KCNH3: variants seen among roughly 807,000 people sequenced by gnomAD.
KCNH3 encodes the protein voltage-gated inwardly rectifying potassium channel KCNH3.
Under a neutral mutation model 95.6 loss-of-function variants are expected in KCNH3, and 36 were observed. The observed-to-expected ratio is 0.38, with a 90% CI of 0.29 to 0.50. The LOEUF (loss-of-function observed/expected upper bound fraction) is 0.50, where lower values mean the gene tolerates loss of function less well. KCNH3 is among the 20% of genes least tolerant of loss of function. KCNH3 has a pLI of 0.95. For missense variants in KCNH3, 1,030 were observed against 1,484.1 expected, an observed-to-expected ratio of 0.69 and a Z score of 5.03; for synonymous variants, 620 against 646.3, an observed-to-expected ratio of 0.96 and a Z score of 0.62.
intron 7 of KCNH3, among the ~76,000 whole-genome samples, chr12:49,544,657 C>T (rs541870454): frequency 1.1e-4 from 16 of 152,216 alleles, no homozygotes; most frequent in African/African-American, 3.6e-4. Context: ...AACCCCTGCC[C>T]CGTTGGGAAG....
At position 49,557,602 on chromosome 12, in the gene KCNH3, G is replaced by A. The variant is rs1938519888; in HGVS notation, c.2901G>A (p.Gly967=). Residue 967 remains glycine, a synonymous_variant, in exon 15 of 15, where the codon GGG becomes GGA. Coordinates refer to ENST00000257981, the MANE Select transcript of KCNH3 (RefSeq NM_012284.3). The part of the protein sequence containing the change: ...LSGTWPHPRP[G]PPPLMAPWPW... ...GGACTTGGCCCCACCCTCGTCCGGG[G>A]CCTCCTCCCCTCATGGCACCCTGGC... 2 of 1,613,268 alleles carry A rather than the reference G, an allele frequency of 1.2e-6. No individual in the cohort carries two copies. Among genetic ancestry groups the A allele is most frequent in the African/African-American group, 1.3e-5 (1 of 75,060 alleles).
At position 49,558,259 on chromosome 12, in the gene KCNH3, T is replaced by G. The variant is rs74089564; in HGVS notation, c.*306T>G. ...CTGCATGTGCCCCTGCCTCTACCTGTCCCCAAATTTTTATATTAAAAAAAA... is the reference window on the plus strand; with the variant it reads ...CTGCATGTGCCCCTGCCTCTACCTGGCCCCAAATTTTTATATTAAAAAAAA... On this transcript the variant is annotated 3_prime_UTR_variant, in exon 15 of 15. Transcript: ENST00000257981. The G allele has an allele frequency of 0.073, 28,424 of 390,946 alleles. 1,210 individuals carry two copies. The highest frequency in any genetic ancestry group is 0.14 in the African/African-American group (6,687 of 48,104). 24.2% of individuals were successfully genotyped at this position (390,946 alleles called of 1,614,324 possible). A position where few individuals can be genotyped will look rare whatever the true frequency, so the allele number is the denominator to read the frequency against.
intron 7 of KCNH3, among the ~76,000 whole-genome samples, chr12:49,548,133 TGC>T (rs1213695749): frequency 7.5e-5 from 11 of 146,330 alleles, no homozygotes; most frequent in East Asian, 4.0e-4. Context: ...TGTGTGTGTG[TGC>T]GCGCGCACCT....
chr12:49,544,488 A>C, intron 7 of KCNH3, 106 bp downstream of exon 7: 1 of 1,117,852 alleles, frequency 8.9e-7, no homozygotes, highest in Non-Finnish European at 1.3e-6. Flanking sequence ...GCAAGTCTGC[A>C]CGTGTGCAAA....
chr12:49,558,056 G>A lies in KCNH3; in HGVS notation c.*103G>A, dbSNP rs528832265. 3.1e-5 allele frequency: 40 copies of A among 1,309,510 alleles called. 1 individual carries two copies. In the South Asian group the frequency reaches 3.2e-4, roughly 11 times the overall value. 81.1% of individuals were successfully genotyped at this position (1,309,510 alleles called of 1,614,324 possible). A position where few individuals can be genotyped will look rare whatever the true frequency, so the allele number is the denominator to read the frequency against. On this transcript the variant is annotated 3_prime_UTR_variant, in exon 15 of 15. Transcript: ENST00000257981. ...GGCAGCCTCCCCACGGACTCCATGC[G>A]GCCCGCTGGCTCAGGGCAGGGAGCC...
At position 49,556,444 on chromosome 12, in the gene KCNH3, C is replaced by G. The variant is rs773321182; in HGVS notation, c.2543C>G (p.Pro848Arg). 6.2e-7 allele frequency: 1 copy of G among 1,614,016 alleles called. No individual in the cohort carries two copies. Reference sequence around the variant, plus strand: ...TCTTTCCGCGTGGGCCAGTCTGGCCCGGAATGTAGCAGCAGCCCCTCCCCT... The same window carrying G: ...TCTTTCCGCGTGGGCCAGTCTGGCCGGGAATGTAGCAGCAGCCCCTCCCCT... ...KFSFRVGQSGPECSSSPSPGP... is the reference protein window; with the variant it reads ...KFSFRVGQSGRECSSSPSPGP... The change falls in exon 13 of 15, where the codon CCG becomes CGG. Residue 848 changes from proline to arginine, a missense_variant. Physicochemically the swap from Pro to Arg is moderately radical, Grantham distance 103. Transcript: ENST00000257981.
chr12:49,547,820 C>A (rs1938111355), intron 7 of KCNH3, among the ~76,000 whole-genome samples: 1 of 152,094 alleles, frequency 6.6e-6, no homozygotes. Context: ...GCCACACATA[C>A]CCTCTGCCTC....
At chr12:49,553,295 C>T (rs563940975) in intron 10 of KCNH3, among the ~76,000 whole-genome samples, 23 of 152,188 alleles carry the variant, frequency 1.5e-4, no homozygotes, top group African/African-American at 5.3e-4. Flanking sequence ...ACCACCACAC[C>T]GAGCTTAATT....
chr12:49,558,296 A>G lies in KCNH3; in HGVS notation c.*343A>G. 2.5e-6 allele frequency: 1 copy of G among 398,164 alleles called. No individual in the cohort carries two copies. Among genetic ancestry groups the G allele is most frequent in the Non-Finnish European group, 4.4e-6 (1 of 226,750 alleles). The allele number at this position is 398,164 out of a possible 1,614,324, so 24.7% of individuals were successfully genotyped here. A position where few individuals can be genotyped will look rare whatever the true frequency, so the allele number is the denominator to read the frequency against. On this transcript the variant is annotated 3_prime_UTR_variant, in exon 15 of 15. Transcript: ENST00000257981. ...TATATTAAAAAAAAAAAATAAAATA[A>G]ACTACTTTGGAACCTGGTGCTTTTT...
Position 49,544,244 on chromosome 12 carries a change from C to T in KCNH3, c.1051C>T (p.Arg351Trp), listed in dbSNP as rs1325758231. Reference protein sequence around the residue: ...RLLRLLPRLDRYSQYSAVVLT... With the variant: ...RLLRLLPRLDWYSQYSAVVLT... The stretch of plus-strand genomic sequence containing the variant: ...GCTGCGCCTGCTTCCGCGGCTGGAC[C>T]GGTACTCGCAGTACAGCGCCGTGGT... Residue 351 changes from arginine (R) to tryptophan (W), a missense_variant, in exon 7 of 15, where the codon CGG becomes TGG. Coordinates refer to ENST00000257981, the MANE Select transcript of KCNH3 (RefSeq NM_012284.3). 8 of 1,601,534 alleles carry T rather than the reference C, an allele frequency of 5.0e-6. No homozygotes were observed. Among genetic ancestry groups the T allele is most frequent in the African/African-American group, 4.0e-5 (3 of 74,684 alleles).
chr12:49,548,802 G>C (rs1938155229), intron 7 of KCNH3, 93 bp from the exon 8 acceptor site: 8 of 1,333,220 alleles, frequency 6.0e-6, no homozygotes, highest in Non-Finnish European at 7.0e-6. Context: ...AAGCCATGGG[G>C]CTGGGTCTGT....
rs1297528310 is a variant in KCNH3 at position 49,546,101 on chromosome 12, G to A, written c.1189+1719G>A. The A allele has an allele frequency of 2.0e-5, 3 of 152,130 alleles. No individual in the cohort carries two copies. The East Asian group carries it at 5.8e-4, about 29-fold the overall frequency. 9.4% of individuals were successfully genotyped at this position (152,130 alleles called of 1,614,324 possible). On this transcript the variant is annotated intron_variant, in intron 7 of 14. Transcript: ENST00000257981. Reference sequence around the variant, plus strand: ...ATGGGACCCAGACACCCTTGGTCTTGTGTCCACGAGACTCCTCTCTTCCAA... The same window carrying A: ...ATGGGACCCAGACACCCTTGGTCTTATGTCCACGAGACTCCTCTCTTCCAA...
chr12:49,554,387 A>C lies in KCNH3; in HGVS notation c.1969A>C (p.Lys657Gln). The change falls in exon 11 of 15, where the codon AAG becomes CAG. Residue 657 changes from lysine to glutamine, a missense_variant. Lys to Gln is a moderately conservative substitution (Grantham distance 53). Coordinates refer to ENST00000257981, the MANE Select transcript of KCNH3 (RefSeq NM_012284.3). The part of the protein sequence containing the change: ...CELPRREQVV[K>Q]ANADVKGLTY... ...GCTGCCCCGGCGGGAGCAGGTGGTA[A>C]AGGCCAATGCCGACGTGAAGGGGCT... is the stretch of plus-strand genomic sequence containing the variant. 6.2e-7 allele frequency: 1 copy of C among 1,613,362 alleles called. No individual in the cohort carries two copies. Among genetic ancestry groups the C allele is most frequent in the Non-Finnish European group, 8.5e-7 (1 of 1,180,038 alleles).
At chr12:49,551,574 CAAA>C (rs59344956) in intron 10 of KCNH3, among the ~76,000 whole-genome samples, 4 of 57,556 alleles carry the variant, frequency 6.9e-5, no homozygotes, top group Admixed American at 1.9e-4. Context: ...GACTCTGTCT[CAAA>C]AAAAAAAAAA....
intron 10 of KCNH3, among the ~76,000 whole-genome samples, chr12:49,550,647 G>A (rs1302018658): frequency 6.6e-6 from 1 of 152,152 alleles, no homozygotes; most frequent in Non-Finnish European, 1.5e-5. Context: ...AGAAGCTAGG[G>A]ATGGAAGTGC....
At chr12:49,556,190 GC>G (rs980092028) in intron 12 of KCNH3, 179 bp from the exon 13 acceptor site, 8 of 612,970 alleles carry the variant, frequency 1.3e-5, no homozygotes, top group Non-Finnish European at 2.0e-5. Context: ...CTCAAGCTTG[GC>G]CCCCCAGCTA....
intron 4 of KCNH3, 25 bp from the exon 5 acceptor site, chr12:49,543,250 C>T: frequency 6.2e-7 from 1 of 1,609,476 alleles, no homozygotes; most frequent in African/African-American, 1.3e-5. Context: ...TTCCTCTCTG[C>T]CTGGACCTGC....
intron 4 of KCNH3, 49 bp downstream of exon 4, chr12:49,542,888 A>T: frequency 1.9e-6 from 3 of 1,585,384 alleles, no homozygotes; most frequent in Non-Finnish European, 2.6e-6. Flanking sequence ...CAGACGCAGA[A>T]GATGGGGAAG....
chr12:49,541,206 C>T lies in KCNH3; in HGVS notation c.310+74C>T, dbSNP rs2138136948. On this transcript the variant is annotated intron_variant, in intron 2 of 14. Transcript: ENST00000257981. ...CCTGGCACCAGCCCCATCCACTGTC[C>T]CTCCTCCTTTCTGTTGCCATCTTCT... 6 of 1,092,916 alleles carry T rather than the reference C, an allele frequency of 5.5e-6. No individual in the cohort carries two copies. The East Asian group carries it at 1.3e-4, about 23-fold the overall frequency. 67.7% of individuals were successfully genotyped at this position (1,092,916 alleles called of 1,614,324 possible). A position where few individuals can be genotyped will look rare whatever the true frequency, so the allele number is the denominator to read the frequency against.
Sources: allele counts gnomAD v4.1 joint callset (sites outside exome capture counted in the v4.1 genomes callset), GRCh38; gene constraint gnomAD v4.1.1; transcripts MANE v1.5; gene names NCBI Gene and HGNC (gene_info 2026-07-23, HGNC 2026-07-21).